CACNA2D3: variants seen among roughly 807,000 people sequenced by gnomAD.
CACNA2D3 encodes the protein voltage-dependent calcium channel subunit alpha-2/delta-3.
In CACNA2D3, 60 loss-of-function variants were observed where a neutral mutation model predicts 160.6. The observed-to-expected ratio is 0.37, with a 90% CI of 0.30 to 0.46. The LOEUF is 0.46. CACNA2D3 is among the 20% of genes least tolerant of loss of function. The pLI, the probability that CACNA2D3 is intolerant of heterozygous loss-of-function variation, is 1.00. For missense variants in CACNA2D3, 1,205 were observed against 1,365.0 expected (o/e 0.88, Z 1.85); for synonymous variants, 558 against 492.9 (o/e 1.13, Z -1.75).
rs573867989 is a variant in CACNA2D3, at chr3:54,612,369, A to G, written c.964-15418A>G. Among the ~76,000 whole-genome samples the G allele has an allele frequency of 1.4e-4, 22 of 152,200 alleles. No individual in the cohort carries two copies. The South Asian group carries it at 3.1e-3, about 22-fold the overall frequency. On this transcript the variant is annotated intron_variant, in intron 9 of 37. Coordinates refer to ENST00000474759, the MANE Select transcript of CACNA2D3 (RefSeq NM_018398.3). ...GACATTAATCATTTTTTTTAGACTC[A>G]TAATCATAGTCTACCTGGAATCAGA... is the stretch of plus-strand genomic sequence containing the variant.
chr3:54,151,737 T>A (rs1700155112), intron 2 of CACNA2D3, among the ~76,000 whole-genome samples: 2 of 152,216 alleles, frequency 1.3e-5, no homozygotes, highest in African/African-American at 4.8e-5. Context: ...TGATCTGTGC[T>A]ATGCTGCCTG....
chr3:54,902,178 C>T (rs1319105530), intron 27 of CACNA2D3, among the ~76,000 whole-genome samples: 1 of 152,160 alleles, frequency 6.6e-6, no homozygotes, highest in East Asian at 1.9e-4. Flanking sequence ...AAGAGGTGTA[C>T]AACTATGCAA....
intron 35 of CACNA2D3, among the ~76,000 whole-genome samples, chr3:55,050,136 T>G (rs1304934686): frequency 6.6e-6 from 1 of 151,842 alleles, no homozygotes; most frequent in Admixed American, 6.6e-5. Context: ...ATGAATTTGA[T>G]CCTGTCATTT....
chr3:54,596,514 T>G (rs1306154482), intron 9 of CACNA2D3, among the ~76,000 whole-genome samples: 1 of 152,120 alleles, frequency 6.6e-6, no homozygotes, highest in Non-Finnish European at 1.5e-5. Context: ...CACGGACTAG[T>G]TAGTAAAAGC....
chr3:54,689,829 T>A (rs1469052842), intron 11 of CACNA2D3, among the ~76,000 whole-genome samples: 1 of 152,130 alleles, frequency 6.6e-6, no homozygotes, highest in Non-Finnish European at 1.5e-5. Flanking sequence ...ATAATCTGTT[T>A]TCAGCACAAC....
At chr3:54,965,678 T>C (rs1331211038) in intron 27 of CACNA2D3, among the ~76,000 whole-genome samples, 4 of 152,104 alleles carry the variant, frequency 2.6e-5, no homozygotes, top group African/African-American at 9.7e-5. Context: ...TATTAACTTA[T>C]GGGTAAAAGA....
intron 12 of CACNA2D3, among the ~76,000 whole-genome samples, chr3:54,760,181 C>G (rs573215753): frequency 6.6e-6 from 1 of 152,220 alleles, no homozygotes; most frequent in African/African-American, 2.4e-5. Flanking sequence ...TCTGAAGGGA[C>G]TGATGCAGGG....
chr3:54,326,363 T>A (rs1704121227), intron 3 of CACNA2D3, among the ~76,000 whole-genome samples: 1 of 152,200 alleles, frequency 6.6e-6, no homozygotes, highest in African/African-American at 2.4e-5. Context: ...TACATATGTA[T>A]GACTATAACA....
At chr3:54,226,684 A>G (rs1316370185) in intron 2 of CACNA2D3, among the ~76,000 whole-genome samples, 3 of 151,898 alleles carry the variant, frequency 2.0e-5, no homozygotes, top group East Asian at 3.9e-4. Flanking sequence ...CTGTCTTCCA[A>G]CCCTGCTAGT....
chr3:54,905,627 G>A (rs996741008), intron 27 of CACNA2D3, among the ~76,000 whole-genome samples: 7 of 152,168 alleles, frequency 4.6e-5, no homozygotes, highest in African/African-American at 1.7e-4. Context: ...GGGTGATTTT[G>A]CCACCAGGGG....
At chr3:54,260,417 GTCATAACA>G (rs2107438610) in intron 2 of CACNA2D3, among the ~76,000 whole-genome samples, 1 of 152,308 alleles carries the variant, frequency 6.6e-6, no homozygotes, top group Admixed American at 6.5e-5. Flanking sequence ...TTCTTGCTGT[GTCATAACA>G]TGGCAGAAGG....
At chr3:54,406,409 C>T (rs1467579619) in intron 4 of CACNA2D3, among the ~76,000 whole-genome samples, 1 of 151,928 alleles carries the variant, frequency 6.6e-6, no homozygotes. Flanking sequence ...AAGAATACTC[C>T]ATTGTGTATA....
chr3:54,653,592 A>G (rs1468862019), intron 11 of CACNA2D3, among the ~76,000 whole-genome samples: 1 of 152,188 alleles, frequency 6.6e-6, no homozygotes, highest in Non-Finnish European at 1.5e-5. Flanking sequence ...GAGAGTTGAG[A>G]TGGTTCATTG....
At chr3:54,611,410 G>A (rs925405260) in intron 9 of CACNA2D3, among the ~76,000 whole-genome samples, 1 of 152,164 alleles carries the variant, frequency 6.6e-6, no homozygotes, top group African/African-American at 2.4e-5. Context: ...CACTTCCAAA[G>A]ACTCAGACTG....
intron 4 of CACNA2D3, among the ~76,000 whole-genome samples, chr3:54,477,498 T>A (rs1308264081): frequency 6.6e-6 from 1 of 152,150 alleles, no homozygotes; most frequent in Non-Finnish European, 1.5e-5. Flanking sequence ...ACCCACTCAT[T>A]GACACAAACC....
chr3:54,293,398 A>G (rs542759735), intron 2 of CACNA2D3, among the ~76,000 whole-genome samples: 106 of 152,160 alleles, frequency 7.0e-4, no homozygotes, highest in Non-Finnish European at 1.3e-3. Flanking sequence ...TATCATTCTT[A>G]TGCCTTTATG....
At chr3:54,711,261 T>G (rs1700947129) in intron 11 of CACNA2D3, among the ~76,000 whole-genome samples, 1 of 152,200 alleles carries the variant, frequency 6.6e-6, no homozygotes, top group African/African-American at 2.4e-5. Context: ...ATTGCCTTAC[T>G]AAATGACATA....
At chr3:54,550,573 T>G (rs1179122764) in intron 5 of CACNA2D3, among the ~76,000 whole-genome samples, 2 of 152,220 alleles carry the variant, frequency 1.3e-5, no homozygotes, top group African/African-American at 4.8e-5. Flanking sequence ...GAAGAATGGC[T>G]TGAAGGGATT....
intron 10 of CACNA2D3, among the ~76,000 whole-genome samples, chr3:54,636,213 G>T (rs910969844): frequency 3.3e-5 from 5 of 151,970 alleles, no homozygotes; most frequent in Non-Finnish European, 7.3e-5. Flanking sequence ...GGTATGTGGC[G>T]ATTAGGCCTG....
Sources: gnomAD v4.1 joint callset for allele counts (sites outside exome capture counted in the v4.1 genomes callset) on GRCh38, gnomAD v4.1.1 for gene constraint, MANE v1.5 for transcripts, NCBI Gene and HGNC (gene_info 2026-07-23, HGNC 2026-07-21) for gene names.